EYS: variants seen among roughly 807,000 people sequenced by gnomAD.
EYS encodes EGF-like photoreceptor maintenance factor.
EYS carries 250 observed loss-of-function variants against 282.1 expected under a neutral mutation model. The ratio of observed to expected loss-of-function variants is 0.89; its 90% CI spans 0.80 to 0.98. EYS has a LOEUF of 0.98. EYS is among the 50% of genes least tolerant of loss of function. The pLI is 0.00. For synonymous variants in EYS, 1,355 were observed against 1,282.9 expected, an observed-to-expected ratio of 1.06 and a Z score of -1.20; for missense variants, 4,016 against 3,709.0, an observed-to-expected ratio of 1.08 and a Z score of -2.15.
intron 7 of EYS, among the ~76,000 whole-genome samples, chr6:65,385,104 A>G (rs547588472): frequency 6.6e-6 from 1 of 152,058 alleles, no homozygotes; most frequent in South Asian, 2.1e-4. Context: ...ACTTCTAATT[A>G]ATTTGTAGGA....
At position 63,848,410 on chromosome 6, in the gene EYS, C is replaced by G. The variant is rs113789788; in HGVS notation, c.7228+15776G>C. 6.6e-3 allele frequency among the ~76,000 whole-genome samples: 1,004 copies of G among 152,046 alleles called. 11 individuals carry two copies. The highest frequency in any genetic ancestry group is 6.8e-3 in the Non-Finnish European group (462 of 67,992). On this transcript the variant is annotated intron_variant, in intron 36 of 42. Coordinates refer to ENST00000503581, the MANE Select transcript of EYS (RefSeq NM_001142800.2). ...GATTGGCAAGATGGCCAAATAGGAA[C>G]AGCTCTGGTCTGCAGCTCCCAGCAA...
intron 26 of EYS, among the ~76,000 whole-genome samples, chr6:64,444,831 T>C (rs748773149): frequency 1.9e-4 from 29 of 152,200 alleles, no homozygotes; most frequent in Non-Finnish European, 3.5e-4. Context: ...TCACATGATA[T>C]ATGGCTGTTT....
intron 13 of EYS, among the ~76,000 whole-genome samples, chr6:65,014,143 A>G (rs1208125447): frequency 6.6e-6 from 1 of 152,162 alleles, no homozygotes; most frequent in South Asian, 2.1e-4. Context: ...GCAGCAGCCA[A>G]GAACACTCTA....
intron 36 of EYS, among the ~76,000 whole-genome samples, chr6:63,810,513 T>C (rs1771021350): frequency 6.6e-6 from 1 of 152,166 alleles, no homozygotes. Context: ...CTCTATGGCA[T>C]AGTGATGGAG....
chr6:65,152,598 G>A (rs891254963), intron 12 of EYS, among the ~76,000 whole-genome samples: 6 of 151,876 alleles, frequency 4.0e-5, no homozygotes, highest in Admixed American at 3.3e-4. Context: ...CAGACTGCCA[G>A]CCTCCAGAAC....
At chr6:63,758,715 G>C (rs1227545710) in intron 41 of EYS, among the ~76,000 whole-genome samples, 1 of 152,012 alleles carries the variant, frequency 6.6e-6, no homozygotes, top group East Asian at 1.9e-4. Flanking sequence ...TTTATCAAGT[G>C]GAGGAAACGA....
rs1481779086 is a variant in EYS at position 63,726,542 on chromosome 6, G to A, written c.8210C>T (p.Ala2737Val). 1 of 1,550,840 alleles carries A rather than the reference G, an allele frequency of 6.4e-7. No individual in the cohort carries two copies. The highest frequency in any genetic ancestry group is 8.7e-7 in the Non-Finnish European group (1 of 1,146,636). Residue 2737 changes from alanine (A) to valine (V), a missense_variant, in exon 42 of 43, where the codon GCA (alanine) becomes GTA (valine). By Grantham distance (64) the Ala-to-Val change is moderately conservative. Transcript: ENST00000503581. The part of the protein sequence containing the change: ...LAADGILFYA[A>V]QHLKAQSGDF... ...ACCTGATTGGGCTTTTAAGTGTTGT[G>A]CAGCATAAAATAGGATACCATCTGC...
At chr6:64,144,239 C>CAAATG (rs1774438594) in intron 31 of EYS, among the ~76,000 whole-genome samples, 1 of 152,114 alleles carries the variant, frequency 6.6e-6, no homozygotes. Context: ...TATTATGAGA[C>CAAATG]AAATGACATT....
intron 22 of EYS, among the ~76,000 whole-genome samples, chr6:64,780,179 G>T (rs1274914345): frequency 6.6e-6 from 1 of 152,084 alleles, no homozygotes; most frequent in Non-Finnish European, 1.5e-5. Flanking sequence ...AAATGAAGCA[G>T]ATTTTAAATC....
At chr6:65,522,125 A>G (rs964976641) in intron 2 of EYS, among the ~76,000 whole-genome samples, 8 of 152,174 alleles carry the variant, frequency 5.3e-5, no homozygotes, top group Admixed American at 1.3e-4. Flanking sequence ...TTCTAAAAAA[A>G]TACTCTGATG....
At chr6:64,338,630 C>G (rs182775680) in intron 29 of EYS, among the ~76,000 whole-genome samples, 8 of 151,682 alleles carry the variant, frequency 5.3e-5, no homozygotes, top group Admixed American at 5.3e-4. Context: ...TTTGAAAAAA[C>G]AATTCTAAAA....
At chr6:64,644,803 C>G (rs1023147453) in intron 22 of EYS, among the ~76,000 whole-genome samples, 1 of 152,094 alleles carries the variant, frequency 6.6e-6, no homozygotes, top group Non-Finnish European at 1.5e-5. Flanking sequence ...AACTATAGCT[C>G]ATGTCATATT....
chr6:65,492,813 T>G (rs1323799813), intron 4 of EYS, among the ~76,000 whole-genome samples: 2 of 152,222 alleles, frequency 1.3e-5, no homozygotes, highest in African/African-American at 4.8e-5. Flanking sequence ...TATAATAATC[T>G]TGGTACTAAG....
rs570020451 is a variant in EYS at position 64,230,825 on chromosome 6, C to A, written c.6192-1G>T. 5 of 1,525,818 alleles carry A rather than the reference C, an allele frequency of 3.3e-6. No homozygotes were observed. The South Asian group carries it at 3.6e-5, about 11-fold the overall frequency. 94.5% of individuals were successfully genotyped at this position (1,525,818 alleles called of 1,614,324 possible). The stretch of plus-strand genomic sequence containing the variant: ...TGGAGACAGCATAAATCCCTGGGAT[C>A]TGTGATTTATAAACAGACAAGAAAA... On this transcript the variant is annotated splice_acceptor_variant, in intron 30 of 42. Transcript: ENST00000503581. LOFTEE classifies it high-confidence loss of function.
chr6:64,105,656 T>A (rs1167091021), intron 31 of EYS, among the ~76,000 whole-genome samples: 2 of 152,120 alleles, frequency 1.3e-5, no homozygotes, highest in African/African-American at 4.8e-5. Flanking sequence ...GTTTTGCCTT[T>A]TCCGTAATGC....
At chr6:64,617,815 C>G (rs1414808858) in intron 23 of EYS, among the ~76,000 whole-genome samples, 1 of 152,090 alleles carries the variant, frequency 6.6e-6, no homozygotes, top group Non-Finnish European at 1.5e-5. Context: ...TGTCTCAGCT[C>G]TTATCCGTGG....
intron 2 of EYS, among the ~76,000 whole-genome samples, chr6:65,628,274 TG>T (rs1766789271): frequency 6.6e-6 from 1 of 152,092 alleles, no homozygotes; most frequent in Admixed American, 6.5e-5. Context: ...AGAACCTGTG[TG>T]TGGAAACTCT....
At chr6:65,176,997 A>C (rs1765241630) in intron 12 of EYS, among the ~76,000 whole-genome samples, 1 of 151,764 alleles carries the variant, frequency 6.6e-6, no homozygotes, top group African/African-American at 2.4e-5. Flanking sequence ...TTAACTTAGC[A>C]CTATGATAAT....
intron 15 of EYS, among the ~76,000 whole-genome samples, chr6:64,933,106 T>A (rs1768782055): frequency 6.6e-6 from 1 of 152,064 alleles, no homozygotes; most frequent in Non-Finnish European, 1.5e-5. Flanking sequence ...ACAAATATAT[T>A]AAGTCAGCTA....
Sources: allele counts gnomAD v4.1 joint callset (sites outside exome capture counted in the v4.1 genomes callset), GRCh38; gene constraint gnomAD v4.1.1; transcripts MANE v1.5; gene names NCBI Gene and HGNC (gene_info 2026-07-23, HGNC 2026-07-21).